The following ITSN1 variants were observed in gnomAD, a reference collection of about 807,000 sequenced individuals.
ITSN1 encodes intersectin-1.
In ITSN1, 58 loss-of-function variants were observed where a neutral mutation model predicts 239.8. The ratio of observed to expected loss-of-function variants is 0.24; its 90% CI spans 0.20 to 0.30. ITSN1 has a LOEUF of 0.30. Among genes scored for constraint, ITSN1 ranks in the 10% least tolerant of loss-of-function variants. The probability of loss-of-function intolerance (pLI) is 1.00; values close to 1 mark genes in which losing one functional copy is unlikely to be tolerated. For synonymous variants in ITSN1, 780 were observed against 770.8 expected (o/e 1.01, Z -0.20); for missense variants, 1,558 against 2,103.3 (o/e 0.74, Z 5.07).
intron 8 of ITSN1, among the ~76,000 whole-genome samples, chr21:33,761,714 T>C (rs150031179): frequency 3.1e-4 from 47 of 152,350 alleles, no homozygotes; most frequent in Non-Finnish European, 6.2e-4. Context: ...AAATTTATTA[T>C]GTGTCAGATG....
chr21:33,720,271 A>G (rs1393446611), intron 2 of ITSN1, among the ~76,000 whole-genome samples: 1 of 152,228 alleles, frequency 6.6e-6, no homozygotes, highest in African/African-American at 2.4e-5. Flanking sequence ...CAGACCCGGT[A>G]GAGAGGAGAG....
chr21:33,649,121 A>C (rs889673303), intron 1 of ITSN1, among the ~76,000 whole-genome samples: 5 of 152,174 alleles, frequency 3.3e-5, no homozygotes, highest in Non-Finnish European at 7.3e-5. Context: ...GTGATGAGGG[A>C]GACAGCTGGG....
In ITSN1 at chr21:33,833,025, C is replaced by T. The variant is rs181684985; in HGVS notation, c.3352-1282C>T. 4.0e-4 allele frequency among the ~76,000 whole-genome samples: 60 copies of T among 151,718 alleles called. No homozygotes were observed. The East Asian group carries it at 7.6e-3, about 19-fold the overall frequency. Reference sequence around the variant, plus strand: ...CTAGACGTGTGTGTGTGTATGTGTACGCATGTGTGTGTATGCACAAGTAGT... The same window carrying T: ...CTAGACGTGTGTGTGTGTATGTGTATGCATGTGTGTGTATGCACAAGTAGT... On this transcript the variant is annotated intron_variant, in intron 27 of 39. Transcript: ENST00000381318.
chr21:33,708,249 T>A (rs2092309869), intron 1 of ITSN1, among the ~76,000 whole-genome samples: 1 of 152,240 alleles, frequency 6.6e-6, no homozygotes, highest in African/African-American at 2.4e-5. Flanking sequence ...ATATTGTGGA[T>A]ACAAGTACTT....
rs905214166 is a variant in ITSN1 at position 33,892,056 on chromosome 21, G to A, written c.*3756G>A. ...CCTGGTGTGCTTTGGATGTAACAGG[G>A]TCATTTTGGGCTCGAGGTGAGTGTG... On this transcript the variant is annotated 3_prime_UTR_variant, in exon 40 of 40. Coordinates refer to ENST00000381318, the MANE Select transcript of ITSN1 (RefSeq NM_003024.3). 3.3e-5 allele frequency: 5 copies of A among 152,188 alleles called. No individual in the cohort carries two copies. The highest frequency in any genetic ancestry group is 5.9e-5 in the Non-Finnish European group (4 of 68,030). The allele number at this position is 152,188 out of a possible 1,614,324, so 9.4% of individuals were successfully genotyped here.
chr21:33,880,148 C>T (rs768932618), intron 34 of ITSN1, among the ~76,000 whole-genome samples: 9 of 152,222 alleles, frequency 5.9e-5, no homozygotes, highest in African/African-American at 1.4e-4. Flanking sequence ...CCTAGGATCA[C>T]GGTGTGGACC....
At chr21:33,792,440 T>A (rs2071214586) in intron 16 of ITSN1, among the ~76,000 whole-genome samples, 1 of 152,154 alleles carries the variant, frequency 6.6e-6, no homozygotes, top group Admixed American at 6.5e-5. Context: ...TTAAGTATAG[T>A]CTTTTGCTGT....
intron 28 of ITSN1, among the ~76,000 whole-genome samples, chr21:33,835,122 C>G (rs1358145294): frequency 6.6e-6 from 1 of 152,136 alleles, no homozygotes; most frequent in Admixed American, 6.5e-5. Flanking sequence ...AATTTTTGTT[C>G]CAATACCTTG....
chr21:33,694,743 T>C (rs2091717583), intron 1 of ITSN1, among the ~76,000 whole-genome samples: 1 of 152,032 alleles, frequency 6.6e-6, no homozygotes, highest in Non-Finnish European at 1.5e-5. Flanking sequence ...TACTTGAACC[T>C]GGGAGGCGGA....
chr21:33,804,044 G>A (rs904728828), intron 20 of ITSN1, among the ~76,000 whole-genome samples: 1 of 152,152 alleles, frequency 6.6e-6, no homozygotes, highest in Non-Finnish European at 1.5e-5. Context: ...GAATTTTGCA[G>A]TTAACAAATG....
In ITSN1 at chr21:33,802,433, A is replaced by G. The variant is rs774801131; in HGVS notation, c.2308A>G (p.Lys770Glu). The change falls in exon 20 of 40, where the codon AAA becomes GAA. Residue 770 changes from lysine to glutamate, a missense_variant. Around this residue, in one of 2 missense-constraint regions of ITSN1, gnomAD observed 982 missense variants for 1,209.9 expected, o/e 0.81. Coordinates refer to ENST00000381318, the MANE Select transcript of ITSN1 (RefSeq NM_003024.3). ...TIQPGDIVMV[K>E]GEWVDESQTG... ...AACCTTTGCTTTCCTGGTGGAGGTT[A>G]AAGGGGAATGGGTAAGTGTTGCCTA... 5.6e-6 allele frequency: 9 copies of G among 1,613,572 alleles called. No homozygotes were observed. The highest frequency in any genetic ancestry group is 1.1e-5 in the South Asian group (1 of 91,026).
rs1468498638 is a variant in ITSN1 at position 33,865,347 on chromosome 21, GC to G, written c.4074+14del. 1.3e-6 allele frequency: 2 copies of G among 1,529,682 alleles called. No homozygotes were observed. The highest frequency in any genetic ancestry group is 1.8e-6 in the Non-Finnish European group (2 of 1,134,896). 94.8% of individuals were successfully genotyped at this position (1,529,682 alleles called of 1,614,324 possible). A position where few individuals can be genotyped will look rare whatever the true frequency, so the allele number is the denominator to read the frequency against. ...GGAGTTCGTCAAAGTAAGGAGCCAG[GC>G]TGTGCAGAGACTGGGCCCCAGAGTG... On this transcript the variant is annotated intron_variant, in intron 32 of 39. Coordinates refer to ENST00000381318, the MANE Select transcript of ITSN1 (RefSeq NM_003024.3). The surrounding 1 kb of genome is among the most constrained non-coding windows in gnomAD (Gnocchi z 4.4).
intron 1 of ITSN1, among the ~76,000 whole-genome samples, chr21:33,669,783 A>AT (rs879715625): frequency 0.013 from 1,988 of 147,556 alleles, 45 homozygotes; most frequent in African/African-American, 0.045. Flanking sequence ...AAACGTCTTA[A>AT]TTTTTTTTTT....
intron 1 of ITSN1, among the ~76,000 whole-genome samples, chr21:33,647,318 T>C (rs1443731187): frequency 6.6e-6 from 1 of 152,198 alleles, no homozygotes; most frequent in Non-Finnish European, 1.5e-5. Context: ...TGTGTGCATA[T>C]GGCTATTCAT....
chr21:33,662,387 T>TGTA (rs2089626269), intron 1 of ITSN1, among the ~76,000 whole-genome samples: 1 of 152,216 alleles, frequency 6.6e-6, no homozygotes, highest in Admixed American at 6.5e-5. Flanking sequence ...GCATTTTACA[T>TGTA]CCCTCTTGTG....
chr21:33,687,168 C>T (rs1455152870), intron 1 of ITSN1, among the ~76,000 whole-genome samples: 1 of 151,334 alleles, frequency 6.6e-6, no homozygotes, highest in African/African-American at 2.4e-5. Context: ...CCTGTCTTTA[C>T]TAAAAATACA....
chr21:33,875,282 C>T (rs578019220), intron 33 of ITSN1, 72 bp from the exon 34 acceptor site: 1 of 1,561,532 alleles, frequency 6.4e-7, no homozygotes, highest in African/African-American at 1.4e-5. Flanking sequence ...GGGCCTGGTC[C>T]TGCAGGACCC....
At chr21:33,753,425 G>A (rs1040729556) in intron 7 of ITSN1, among the ~76,000 whole-genome samples, 1 of 152,084 alleles carries the variant, frequency 6.6e-6, no homozygotes, top group Non-Finnish European at 1.5e-5. Context: ...TGGTGGAGCT[G>A]AGAGTTAAAC....
At chr21:33,815,179 T>C (rs1478367071) in intron 22 of ITSN1, among the ~76,000 whole-genome samples, 1 of 151,996 alleles carries the variant, frequency 6.6e-6, no homozygotes, top group African/African-American at 2.4e-5. Flanking sequence ...GCCATTCCCA[T>C]AGAGAACATT....
Sources: allele counts gnomAD v4.1 joint callset (sites outside exome capture counted in the v4.1 genomes callset), GRCh38; gene constraint gnomAD v4.1.1; regional missense constraint gnomAD v4.1.1; non-coding constraint Gnocchi (gnomAD v3.1); transcripts MANE v1.5; gene names NCBI Gene and HGNC (gene_info 2026-07-23, HGNC 2026-07-21).